XKR6: variants seen among roughly 807,000 people sequenced by gnomAD.
The protein encoded by XKR6 is XK-related protein 6.
Under a neutral mutation model 56.7 loss-of-function variants are expected in XKR6, and 22 were observed. That is an observed-to-expected ratio of 0.39 (90% CI 0.28 to 0.55). The LOEUF (loss-of-function observed/expected upper bound fraction) is 0.55. Among genes scored for constraint, XKR6 ranks in the 20% least tolerant of loss-of-function variants. The pLI is 0.66. For synonymous variants in XKR6, 524 were observed against 387.8 expected, an observed-to-expected ratio of 1.35 and a Z score of -4.13; for missense variants, 852 against 889.0, an observed-to-expected ratio of 0.96 and a Z score of 0.53.
chr8:11,178,677 A>C (rs1802808536), intron 1 of XKR6, among the ~76,000 whole-genome samples: 1 of 130,132 alleles, frequency 7.7e-6, no homozygotes, highest in Admixed American at 7.5e-5. Flanking sequence ...ACAGAGATAA[A>C]TATATATATA....
chr8:10,948,693 C>T (rs954545113), intron 1 of XKR6, among the ~76,000 whole-genome samples: 3 of 152,166 alleles, frequency 2.0e-5, no homozygotes, highest in African/African-American at 7.2e-5. Context: ...CACCCCCTGC[C>T]AGCTGGCTGC....
At chr8:11,172,362 T>G (rs1802423584) in intron 1 of XKR6, among the ~76,000 whole-genome samples, 1 of 152,068 alleles carries the variant, frequency 6.6e-6, no homozygotes, top group Non-Finnish European at 1.5e-5. Flanking sequence ...AGACCCTGTC[T>G]CAAAAATAAA....
chr8:11,137,207 G>A, intron 1 of XKR6: 1 of 209,796 alleles, frequency 4.8e-6, no homozygotes, highest in Middle Eastern at 1.9e-3. Flanking sequence ...TACAGCTGTA[G>A]GCAGTGGAGA....
intron 1 of XKR6, among the ~76,000 whole-genome samples, chr8:11,079,635 T>C (rs925225591): frequency 6.6e-6 from 1 of 152,208 alleles, no homozygotes; most frequent in Non-Finnish European, 1.5e-5. Flanking sequence ...CTTGGAATTG[T>C]GTTAGAAAGA....
chr8:10,966,103 C>A (rs1802214475), intron 1 of XKR6, among the ~76,000 whole-genome samples: 1 of 152,198 alleles, frequency 6.6e-6, no homozygotes, highest in Non-Finnish European at 1.5e-5. Flanking sequence ...AACACAGCAA[C>A]CGTGCCAGGT....
intron 1 of XKR6, among the ~76,000 whole-genome samples, chr8:11,167,852 C>T (rs1802158731): frequency 6.7e-6 from 1 of 149,520 alleles, no homozygotes. Flanking sequence ...CACAGTGGCT[C>T]CTGCCAAGCC....
At chr8:11,012,144 C>A (rs146673904) in intron 1 of XKR6, among the ~76,000 whole-genome samples, 9 of 152,276 alleles carry the variant, frequency 5.9e-5, no homozygotes, top group Non-Finnish European at 1.3e-4. Context: ...GTGCCCAGGG[C>A]CAGCACTGCA....
chr8:11,127,378 G>A (rs1799862624), intron 1 of XKR6, among the ~76,000 whole-genome samples: 1 of 152,106 alleles, frequency 6.6e-6, no homozygotes, highest in Non-Finnish European at 1.5e-5. Context: ...TTCAGTATTA[G>A]TTTCACTATA....
intron 1 of XKR6, among the ~76,000 whole-genome samples, chr8:11,158,693 G>A (rs952013652): frequency 1.3e-5 from 2 of 152,068 alleles, no homozygotes; most frequent in African/African-American, 2.4e-5. Context: ...TTATACAATC[G>A]TATATCCCTC....
At chr8:11,048,713 C>T (rs759749287) in intron 1 of XKR6, among the ~76,000 whole-genome samples, 9 of 152,204 alleles carry the variant, frequency 5.9e-5, no homozygotes, top group Non-Finnish European at 1.3e-4. Context: ...CCGCAGGCCT[C>T]TGGTCTGCAG....
rs1485417081 is a variant in XKR6 at position 11,201,416 on chromosome 8, G to T, written c.-77C>A. The stretch of plus-strand genomic sequence containing the variant: ...GGGGGAAGAAGGCAGGGAACGGGGA[G>T]GGGGGGAAACGAATGGAGAGGAAGG... On this transcript the variant is annotated 5_prime_UTR_variant, in exon 1 of 3. Transcript: ENST00000416569. 7 of 544,856 alleles carry T rather than the reference G, an allele frequency of 1.3e-5. No homozygotes were observed. The highest frequency in any genetic ancestry group is 4.2e-5 in the African/African-American group (2 of 47,158). 33.8% of individuals were successfully genotyped at this position (544,856 alleles called of 1,614,324 possible). A position where few individuals can be genotyped will look rare whatever the true frequency, so the allele number is the denominator to read the frequency against.
intron 1 of XKR6, among the ~76,000 whole-genome samples, chr8:10,991,426 G>A (rs1347961157): frequency 6.6e-6 from 1 of 152,094 alleles, no homozygotes; most frequent in Non-Finnish European, 1.5e-5. Context: ...TAACTGACTG[G>A]CCTGAGGATA....
chr8:10,944,608 G>A (rs1046517520), intron 1 of XKR6, among the ~76,000 whole-genome samples: 2 of 152,132 alleles, frequency 1.3e-5, no homozygotes, highest in African/African-American at 2.4e-5. Flanking sequence ...CCATGTAGTC[G>A]CGACCAGGGC....
chr8:11,085,178 T>C (rs574015140), intron 1 of XKR6, among the ~76,000 whole-genome samples: 1 of 152,234 alleles, frequency 6.6e-6, no homozygotes, highest in Non-Finnish European at 1.5e-5. Flanking sequence ...TTGGCACAGA[T>C]CTCTGTGGGC....
chr8:10,912,447 G>GTA lies in XKR6; in HGVS notation c.961+12185_961+12186dup, dbSNP rs371843959. Among the ~76,000 whole-genome samples the GTA allele has an allele frequency of 6.4e-3, 755 of 117,268 alleles. 9 individuals carry two copies. Among genetic ancestry groups the GTA allele is most frequent in the African/African-American group, 0.021 (603 of 29,358 alleles). The allele number at this position is 117,268 out of a possible 152,430, so 76.9% of individuals were successfully genotyped here. ...TATATATGAGAGACGATAGGTGAGTGTATATATATATATATATATAGAGAG... is the reference window on the plus strand; with the variant it reads ...TATATATGAGAGACGATAGGTGAGTGTATATATATATATATATATATAGAGAG... On this transcript the variant is annotated intron_variant, in intron 2 of 2. Coordinates refer to ENST00000416569, the MANE Select transcript of XKR6 (RefSeq NM_173683.4).
At chr8:11,189,557 C>T (rs1031246071) in intron 1 of XKR6, among the ~76,000 whole-genome samples, 1 of 152,048 alleles carries the variant, frequency 6.6e-6, no homozygotes, top group Non-Finnish European at 1.5e-5. Flanking sequence ...TTATCCATTC[C>T]GCCCCTCTAA....
chr8:11,046,872 T>C (rs1190974723), intron 1 of XKR6, among the ~76,000 whole-genome samples: 1 of 152,214 alleles, frequency 6.6e-6, no homozygotes, highest in African/African-American at 2.4e-5. Context: ...GAGGACATTA[T>C]GCTAAGTGAA....
At chr8:11,033,418 A>ATGATGATGG (rs1799053498) in intron 1 of XKR6, among the ~76,000 whole-genome samples, 2 of 120,748 alleles carry the variant, frequency 1.7e-5, no homozygotes, top group Admixed American at 8.0e-5. Flanking sequence ...GGTGATGATG[A>ATGATGATGG]TGATGATGAT....
At chr8:11,144,051 AC>A (rs562309578) in intron 1 of XKR6, among the ~76,000 whole-genome samples, 1 of 151,030 alleles carries the variant, frequency 6.6e-6, no homozygotes, top group Non-Finnish European at 1.5e-5. Context: ...CTGGATTAAG[AC>A]CCCCCGTCAA....
Sources: gnomAD v4.1 joint callset for allele counts (sites outside exome capture counted in the v4.1 genomes callset) on GRCh38, gnomAD v4.1.1 for gene constraint, MANE v1.5 for transcripts, NCBI Gene and HGNC (gene_info 2026-07-23, HGNC 2026-07-21) for gene names.